Variants in PARP8 observed in about 807,000 individuals in gnomAD.
PARP8 encodes poly(ADP-ribose) polymerase family member 8.
PARP8 carries 51 observed loss-of-function variants against 124.1 expected under a neutral mutation model. The observed-to-expected ratio is 0.41, with a 90% CI of 0.33 to 0.52. The LOEUF (loss-of-function observed/expected upper bound fraction) is 0.52. Among genes scored for constraint, PARP8 ranks in the 20% least tolerant of loss-of-function variants. The pLI is 0.21. For missense variants in PARP8, 860 were observed against 1,018.9 expected (o/e 0.84, Z 2.12); for synonymous variants, 391 against 361.5 (o/e 1.08, Z -0.93).
intron 2 of PARP8, among the ~76,000 whole-genome samples, chr5:50,686,714 C>T (rs1751906152): frequency 1.3e-5 from 2 of 152,208 alleles, no homozygotes; most frequent in Non-Finnish European, 2.9e-5. Flanking sequence ...CAGTTCTTGA[C>T]TTCTGTGCAC....
At chr5:50,668,015 C>T in intron 1 of PARP8, 56 bp from the exon 2 acceptor site, 2 of 1,610,834 alleles carry the variant, frequency 1.2e-6, no homozygotes, top group Non-Finnish European at 8.5e-7. Flanking sequence ...AAGTCCTGAT[C>T]GGGGTTAAAA....
intron 2 of PARP8, among the ~76,000 whole-genome samples, chr5:50,735,001 G>A (rs1009210369): frequency 2.6e-5 from 4 of 151,980 alleles, no homozygotes; most frequent in Admixed American, 2.0e-4. Context: ...ATAATATCTA[G>A]TAATAACATT....
At position 50,797,006 on chromosome 5, in the gene PARP8, G is replaced by A; in HGVS notation, c.1453G>A (p.Val485Ile). ...LAPNGAKCIP[V>I]RDRGFLVQTI... ...GCCAAATGGTGCAAAATGCATTCCA[G>A]TACGAGACCGTGGCTTCCTGGTGCA... Residue 485 changes from valine (V) to isoleucine (I), a missense_variant, in exon 13 of 26, where the codon GTA becomes ATA. Physicochemically the swap from Val to Ile is conservative, Grantham distance 29 (BLOSUM62 3). Transcript: ENST00000281631. 1 of 1,612,528 alleles carries A rather than the reference G, an allele frequency of 6.2e-7. No homozygotes were observed. Among genetic ancestry groups the A allele is most frequent in the Non-Finnish European group, 8.5e-7 (1 of 1,179,218 alleles).
At chr5:50,675,841 TA>T (rs959402604) in intron 2 of PARP8, among the ~76,000 whole-genome samples, 52 of 151,142 alleles carry the variant, frequency 3.4e-4, no homozygotes, top group African/African-American at 1.2e-3. Context: ...GATGTCACAT[TA>T]AAAAAAAAGT....
chr5:50,775,690 T>A (rs905158846), intron 7 of PARP8, among the ~76,000 whole-genome samples: 4 of 152,258 alleles, frequency 2.6e-5, no homozygotes, highest in Non-Finnish European at 5.9e-5. Flanking sequence ...CATTTATTTT[T>A]CAGATAGTTC....
chr5:50,739,420 AATC>A (rs1308713002), intron 2 of PARP8, among the ~76,000 whole-genome samples: 1 of 151,856 alleles, frequency 6.6e-6, no homozygotes, highest in African/African-American at 2.4e-5. Context: ...GGAGTTGAGA[AATC>A]ATTTTTTTGA....
intron 23 of PARP8, 108 bp from the exon 24 acceptor site, chr5:50,833,871 T>A: frequency 1.3e-6 from 1 of 763,522 alleles, no homozygotes; most frequent in Non-Finnish European, 2.2e-6. Context: ...TAGGCTTTTT[T>A]TTTTTGACCT....
rs530436326 is a variant in PARP8 at position 50,746,919 on chromosome 5, C to T, written c.147-3232C>T. ...TGGTGCAAATCTGTAGTCCAATCTA[C>T]CCAGGAGGCTGCAGGGGGCAGTTGC... On this transcript the variant is annotated intron_variant, in intron 2 of 25. Coordinates refer to ENST00000281631, the MANE Select transcript of PARP8 (RefSeq NM_024615.4). Among the ~76,000 whole-genome samples, 4 of 152,120 alleles carry T rather than the reference C, an allele frequency of 2.6e-5. No homozygotes were observed. The East Asian group carries it at 7.7e-4, about 29-fold the overall frequency.
At chr5:50,739,862 C>G (rs1313983709) in intron 2 of PARP8, among the ~76,000 whole-genome samples, 1 of 149,558 alleles carries the variant, frequency 6.7e-6, no homozygotes, top group Non-Finnish European at 1.5e-5. Context: ...CAATTCTCTG[C>G]CTCAGCCTCC....
chr5:50,722,412 C>T (rs1425799190), intron 2 of PARP8, among the ~76,000 whole-genome samples: 1 of 152,004 alleles, frequency 6.6e-6, no homozygotes, highest in East Asian at 1.9e-4. Flanking sequence ...TAGTAGTTTG[C>T]AGAGGAGGAT....
intron 2 of PARP8, among the ~76,000 whole-genome samples, chr5:50,695,072 A>G (rs1196347438): frequency 1.3e-5 from 2 of 152,150 alleles, no homozygotes; most frequent in Admixed American, 1.3e-4. Flanking sequence ...CTCCCAGTCC[A>G]CTGACTCAAA....
chr5:50,747,607 TGACAC>T (rs111316371), intron 2 of PARP8, among the ~76,000 whole-genome samples: 4 of 152,130 alleles, frequency 2.6e-5, no homozygotes, highest in African/African-American at 9.6e-5. Flanking sequence ...CCTGACGAAC[TGACAC>T]GTTTATCATT....
At chr5:50,746,421 A>G (rs1020267736) in intron 2 of PARP8, among the ~76,000 whole-genome samples, 8 of 152,210 alleles carry the variant, frequency 5.3e-5, no homozygotes, top group African/African-American at 1.7e-4. Flanking sequence ...CTTTGCACTA[A>G]TGTCAGTTTC....
At chr5:50,687,445 C>T (rs1411898748) in intron 2 of PARP8, among the ~76,000 whole-genome samples, 1 of 152,130 alleles carries the variant, frequency 6.6e-6, no homozygotes, top group Non-Finnish European at 1.5e-5. Flanking sequence ...GTCTTCTGAG[C>T]CCTCCAAACC....
chr5:50,699,393 T>C (rs1423243229), intron 2 of PARP8, among the ~76,000 whole-genome samples: 1 of 152,178 alleles, frequency 6.6e-6, no homozygotes, highest in Non-Finnish European at 1.5e-5. Context: ...ATACCAGAAG[T>C]TATTTAAGAT....
At position 50,778,594 on chromosome 5, in the gene PARP8, C is replaced by G. The variant is rs553180582; in HGVS notation, c.614C>G (p.Thr205Arg). 3.7e-6 allele frequency: 6 copies of G among 1,609,554 alleles called. No homozygotes were observed. In the Admixed American group the frequency reaches 1.0e-4, roughly 27 times the overall value. ...GCTGTGGCTTGGGAAGTAATTCGAA[C>G]AGAACCTATAATTGTTCGACTACAC... is the stretch of plus-strand genomic sequence containing the variant. The part of the protein sequence containing the change: ...EIAVAWEVIR[T>R]EPIIVRLHCS... The change falls in exon 9 of 26, where the codon ACA becomes AGA. Residue 205 changes from threonine (T) to arginine (R), a missense_variant. Transcript: ENST00000281631.
chr5:50,763,548 C>G (rs1404902216), intron 7 of PARP8, among the ~76,000 whole-genome samples: 2 of 151,618 alleles, frequency 1.3e-5, no homozygotes, highest in African/African-American at 4.8e-5. Flanking sequence ...ATGCTGTTAT[C>G]ATAAATCATG....
intron 2 of PARP8, among the ~76,000 whole-genome samples, chr5:50,716,801 G>C (rs1296840444): frequency 6.6e-6 from 1 of 152,052 alleles, no homozygotes; most frequent in Admixed American, 6.6e-5. Context: ...ATAACATTAA[G>C]AGTCTCAGAT....
intron 2 of PARP8, among the ~76,000 whole-genome samples, chr5:50,711,183 A>G (rs568699090): frequency 7.9e-5 from 12 of 152,256 alleles, no homozygotes; most frequent in South Asian, 2.1e-4. Context: ...AATTAGGCCA[A>G]TTGTAGAGCT....
Sources: gnomAD v4.1 joint callset for allele counts (sites outside exome capture counted in the v4.1 genomes callset) on GRCh38, gnomAD v4.1.1 for gene constraint, MANE v1.5 for transcripts, NCBI Gene and HGNC (gene_info 2026-07-23, HGNC 2026-07-21) for gene names.